PLEKHH2: variants seen among roughly 807,000 people sequenced by gnomAD.
The protein encoded by PLEKHH2 is pleckstrin homology domain-containing family H member 2.
In PLEKHH2, 129 loss-of-function variants were observed where a neutral mutation model predicts 187.9. That is an observed-to-expected ratio of 0.69 (90% CI 0.59 to 0.79). PLEKHH2 has a LOEUF of 0.79. PLEKHH2 is among the 30% of genes least tolerant of loss of function. PLEKHH2 has a pLI of 0.00. For synonymous variants in PLEKHH2, 686 were observed against 605.6 expected, an observed-to-expected ratio of 1.13 and a Z score of -1.95; for missense variants, 2,076 against 1,751.2, an observed-to-expected ratio of 1.19 and a Z score of -3.31.
At position 43,700,475 on chromosome 2, in the gene PLEKHH2, G is replaced by A. The variant is rs756510461; in HGVS notation, c.1517G>A (p.Ser506Asn). 5.6e-6 allele frequency: 9 copies of A among 1,614,088 alleles called. No homozygotes were observed. The South Asian group carries it at 9.9e-5, about 18-fold the overall frequency. Residue 506 changes from serine (S) to asparagine (N), a missense_variant, in exon 8 of 30, where the codon AGT becomes AAT. By Grantham distance (46) the Ser-to-Asn change is conservative (BLOSUM62 1). Coordinates refer to ENST00000282406, the MANE Select transcript of PLEKHH2 (RefSeq NM_172069.4). ...STEVLENMDTSCDDGLFSYDS... is the reference protein window; with the variant it reads ...STEVLENMDTNCDDGLFSYDS... ...GAAGTTTTAGAGAATATGGACACGA[G>A]TTGTGATGATGGATTATTTTCCTAT...
At chr2:43,667,559 G>A (rs1667275971) in intron 2 of PLEKHH2, among the ~76,000 whole-genome samples, 1 of 152,138 alleles carries the variant, frequency 6.6e-6, no homozygotes, top group African/African-American at 2.4e-5. Context: ...CTGATGAATG[G>A]ATAAACACAA....
chr2:43,765,688 A>T lies in PLEKHH2; in HGVS notation c.*90A>T. ...GTTCGTTTACACCTGGCAGCACGGC[A>T]GCCACACACCGGTATTCCAAACCTT... On this transcript the variant is annotated 3_prime_UTR_variant, in exon 30 of 30. Coordinates refer to ENST00000282406, the MANE Select transcript of PLEKHH2 (RefSeq NM_172069.4). 2.4e-6 allele frequency: 3 copies of T among 1,250,612 alleles called. No homozygotes were observed. The highest frequency in any genetic ancestry group is 2.2e-6 in the Non-Finnish European group (2 of 910,308). The allele number at this position is 1,250,612 out of a possible 1,614,324, so 77.5% of individuals were successfully genotyped here.
In PLEKHH2 at chr2:43,685,687, C is replaced by T. The variant is rs544809123; in HGVS notation, c.186+6762C>T. On this transcript the variant is annotated intron_variant, in intron 3 of 29. Transcript: ENST00000282406. ...GAACTTGTCAGCTCAAGCAATCCTCCAGCCTCAGCCTTCCAAAGTGCTGGG... is the reference window on the plus strand; with the variant it reads ...GAACTTGTCAGCTCAAGCAATCCTCTAGCCTCAGCCTTCCAAAGTGCTGGG... 1.1e-4 allele frequency among the ~76,000 whole-genome samples: 17 copies of T among 151,966 alleles called. No individual in the cohort carries two copies. The South Asian group carries it at 3.5e-3, about 32-fold the overall frequency.
intron 7 of PLEKHH2, among the ~76,000 whole-genome samples, chr2:43,699,391 A>G (rs1391544432): frequency 6.6e-6 from 1 of 152,194 alleles, no homozygotes; most frequent in East Asian, 1.9e-4. Flanking sequence ...TCCTTTAAAA[A>G]AAATAGAGGC....
In PLEKHH2 at chr2:43,676,872, C is replaced by T. The variant is rs190475511; in HGVS notation, c.124-1991C>T. Among the ~76,000 whole-genome samples the T allele has an allele frequency of 1.6e-3, 237 of 152,280 alleles. 1 individual carries two copies. Among genetic ancestry groups the T allele is most frequent in the African/African-American group, 5.5e-3 (229 of 41,554 alleles). On this transcript the variant is annotated intron_variant, in intron 2 of 29. Coordinates refer to ENST00000282406, the MANE Select transcript of PLEKHH2 (RefSeq NM_172069.4). ...AGAGTTTATTTAAACCTAGCACCCA[C>T]GGAGTTCATGAGAACACACCACTTC...
chr2:43,740,098 A>G (rs992948916), intron 20 of PLEKHH2, among the ~76,000 whole-genome samples: 9 of 152,210 alleles, frequency 5.9e-5, no homozygotes, highest in Admixed American at 2.6e-4. Context: ...AATTATACAT[A>G]GGAAACAAGG....
intron 2 of PLEKHH2, among the ~76,000 whole-genome samples, chr2:43,678,516 C>T (rs1033871660): frequency 6.6e-5 from 10 of 152,264 alleles, no homozygotes; most frequent in South Asian, 2.1e-4. Context: ...GAGACCAGCC[C>T]GGCCAACACA....
chr2:43,748,760 C>CT (rs35066741), intron 24 of PLEKHH2, among the ~76,000 whole-genome samples: 22,405 of 146,588 alleles, frequency 0.15, 2,876 homozygotes, highest in African/African-American at 0.35. Context: ...TTCAGGCATT[C>CT]TTTTTTTTTT....
At chr2:43,676,222 CTG>C in intron 2 of PLEKHH2, 2 of 1,614,006 alleles carry the variant, frequency 1.2e-6, no homozygotes, top group Non-Finnish European at 1.7e-6. Context: ...AGTTTGACCT[CTG>C]TGTCGAATGT....
intron 24 of PLEKHH2, among the ~76,000 whole-genome samples, chr2:43,747,167 C>T (rs957637838): frequency 1.3e-5 from 2 of 151,678 alleles, no homozygotes; most frequent in African/African-American, 4.8e-5. Flanking sequence ...TAAGGCCTAT[C>T]ACTTAGCTGG....
At chr2:43,641,603 G>T (rs750987775) in intron 1 of PLEKHH2, among the ~76,000 whole-genome samples, 8 of 152,080 alleles carry the variant, frequency 5.3e-5, no homozygotes, top group Admixed American at 1.3e-4. Flanking sequence ...CAAAAGATTG[G>T]ACACCCCTGG....
At chr2:43,643,148 T>A (rs927523256) in intron 1 of PLEKHH2, among the ~76,000 whole-genome samples, 1 of 152,100 alleles carries the variant, frequency 6.6e-6, no homozygotes, top group African/African-American at 2.4e-5. Flanking sequence ...TAAATGCCAA[T>A]GTGAATCATT....
At chr2:43,645,322 G>T (rs1285922449) in intron 2 of PLEKHH2, among the ~76,000 whole-genome samples, 1 of 151,964 alleles carries the variant, frequency 6.6e-6, no homozygotes, top group African/African-American at 2.4e-5. Context: ...GGAATTTTTT[G>T]CAAGTATGTG....
At chr2:43,647,398 T>C (rs1022760322) in intron 2 of PLEKHH2, among the ~76,000 whole-genome samples, 1 of 152,200 alleles carries the variant, frequency 6.6e-6, no homozygotes, top group East Asian at 1.9e-4. Context: ...ACCCAGGCAT[T>C]CTGTCTTTTT....
rs948473809 is a variant in PLEKHH2, at chr2:43,734,583, C to T, written c.2943+2981C>T. Among the ~76,000 whole-genome samples, 230 of 152,196 alleles carry T rather than the reference C, an allele frequency of 1.5e-3. 1 individual carries two copies. Among genetic ancestry groups the T allele is most frequent in the African/African-American group, 5.3e-3 (218 of 41,510 alleles). On this transcript the variant is annotated intron_variant, in intron 19 of 29. Transcript: ENST00000282406. Reference sequence around the variant, plus strand: ...TCACCCCAGTTAAAATGGCTGTTATCGAAAAGGCAGAAAATAACGAATGCT... The same window carrying T: ...TCACCCCAGTTAAAATGGCTGTTATTGAAAAGGCAGAAAATAACGAATGCT...
intron 9 of PLEKHH2, among the ~76,000 whole-genome samples, chr2:43,704,781 T>G (rs968859211): frequency 1.3e-5 from 2 of 151,950 alleles, no homozygotes; most frequent in Non-Finnish European, 2.9e-5. Flanking sequence ...GCTAAGAACT[T>G]CCTAAATGTC....
chr2:43,675,590 T>C lies in PLEKHH2; in HGVS notation c.124-3273T>C. 1 of 1,613,724 alleles carries C rather than the reference T, an allele frequency of 6.2e-7. No homozygotes were observed. Among genetic ancestry groups the C allele is most frequent in the Non-Finnish European group, 8.5e-7 (1 of 1,179,740 alleles). ...TCAATAAGCTGTGCGATTGGTTTTG[T>C]ATTAAATACATCTCTTCCTTCATAA... On this transcript the variant is annotated intron_variant, in intron 2 of 29. Transcript: ENST00000282406.
At chr2:43,673,905 G>A (rs1288303566) in intron 2 of PLEKHH2, among the ~76,000 whole-genome samples, 4 of 152,112 alleles carry the variant, frequency 2.6e-5, no homozygotes. Context: ...TAACTTTTGA[G>A]CCTGATTGCG....
intron 24 of PLEKHH2, among the ~76,000 whole-genome samples, chr2:43,752,823 A>AC (rs1174128374): frequency 6.6e-6 from 1 of 151,792 alleles, no homozygotes; most frequent in Non-Finnish European, 1.5e-5. Flanking sequence ...TTTGATGAAG[A>AC]CCCCCCTAGG....
Sources: gnomAD v4.1 joint callset for allele counts (sites outside exome capture counted in the v4.1 genomes callset) on GRCh38, gnomAD v4.1.1 for gene constraint, MANE v1.5 for transcripts, NCBI Gene and HGNC (gene_info 2026-07-23, HGNC 2026-07-21) for gene names.